Variants in TENM3 observed in about 807,000 individuals in gnomAD.
TENM3 encodes teneurin transmembrane protein 3.
Under a neutral mutation model 255.1 loss-of-function variants are expected in TENM3, and 63 were observed. The ratio of observed to expected loss-of-function variants is 0.25; its 90% CI spans 0.20 to 0.30. The LOEUF (loss-of-function observed/expected upper bound fraction) is 0.30. Among genes scored for constraint, TENM3 ranks in the 10% least tolerant of loss-of-function variants. The probability of loss-of-function intolerance (pLI) is 1.00; values close to 1 mark genes in which losing one functional copy is unlikely to be tolerated. For missense variants in TENM3, 2,929 were observed against 3,461.1 expected (o/e 0.85, Z 3.86); for synonymous variants, 1,306 against 1,322.3 (o/e 0.99, Z 0.27).
At chr4:182,070,573 C>T in the TENM3 span, among the ~76,000 whole-genome samples, 3 of 152,236 alleles carry the variant, frequency 2.0e-5, no homozygotes, top group Admixed American at 6.5e-5. Context: ...GCTGAAATTG[C>T]GCCGCTGCAC....
At chr4:182,386,982 C>T (rs541152930) in intron 3 of TENM3, among the ~76,000 whole-genome samples, 4 of 152,350 alleles carry the variant, frequency 2.6e-5, no homozygotes, top group African/African-American at 7.2e-5. Context: ...AGCCCCTGTG[C>T]GGGATCCACT....
chr4:181,598,660 T>C, the TENM3 span, among the ~76,000 whole-genome samples: 2 of 150,996 alleles, frequency 1.3e-5, no homozygotes, highest in African/African-American at 2.4e-5. Flanking sequence ...GTTTAACATA[T>C]CCTGATTTCA....
Position 182,349,474 on chromosome 4 carries a change from A to G in TENM3, c.511+2545A>G, listed in dbSNP as rs535723179. Among the ~76,000 whole-genome samples the G allele has an allele frequency of 8.5e-5, 13 of 152,278 alleles. No individual in the cohort carries two copies. In the South Asian group the frequency reaches 2.7e-3, roughly 32 times the overall value. ...GATATAGGGAAGCATAATTTTCTGA[A>G]GTATTTAGCAGACCTTATAATTTTG... is the stretch of plus-strand genomic sequence containing the variant. On this transcript the variant is annotated intron_variant, in intron 3 of 27. Coordinates refer to ENST00000511685, the MANE Select transcript of TENM3 (RefSeq NM_001080477.4).
At chr4:181,833,081 G>A in the TENM3 span, among the ~76,000 whole-genome samples, 1 of 152,132 alleles carries the variant, frequency 6.6e-6, no homozygotes, top group South Asian at 2.1e-4. Context: ...TAATCTAGAG[G>A]AGGTCTGAAA....
At chr4:182,251,559 T>C (rs531390655) in intron 1 of TENM3, among the ~76,000 whole-genome samples, 3 of 152,348 alleles carry the variant, frequency 2.0e-5, no homozygotes, top group African/African-American at 7.2e-5. Context: ...TGCTTTTTCA[T>C]ACTAGGTGGG....
chr4:181,683,598 C>T, the TENM3 span, among the ~76,000 whole-genome samples: 1 of 152,112 alleles, frequency 6.6e-6, no homozygotes, highest in African/African-American at 2.4e-5. Flanking sequence ...AACCTATGCA[C>T]TAGAAAATAA....
chr4:182,692,041 A>G (rs1329279545), intron 12 of TENM3, among the ~76,000 whole-genome samples: 1 of 152,250 alleles, frequency 6.6e-6, no homozygotes, highest in Admixed American at 6.5e-5. Flanking sequence ...CAAGTTAAAA[A>G]TAAATATAAT....
At chr4:182,513,521 G>A (rs1737629630) in intron 3 of TENM3, among the ~76,000 whole-genome samples, 1 of 151,746 alleles carries the variant, frequency 6.6e-6, no homozygotes, top group African/African-American at 2.4e-5. Context: ...AAACCTTTGT[G>A]TTTCATTTTG....
chr4:181,833,979 A>G, the TENM3 span, among the ~76,000 whole-genome samples: 1 of 152,182 alleles, frequency 6.6e-6, no homozygotes, highest in South Asian at 2.1e-4. Context: ...GGAGAATGTT[A>G]AAGTGTGGCT....
intron 1 of TENM3, among the ~76,000 whole-genome samples, chr4:182,161,154 C>T (rs200921262): frequency 4.1e-5 from 6 of 146,126 alleles, no homozygotes; most frequent in African/African-American, 1.3e-4. Context: ...CGGTGGCTCA[C>T]GCCTGTAATC....
chr4:181,718,811 C>T, the TENM3 span, among the ~76,000 whole-genome samples: 1 of 152,156 alleles, frequency 6.6e-6, no homozygotes, highest in South Asian at 2.1e-4. Flanking sequence ...TTTGTATAGT[C>T]AGCAGTAGGA....
chr4:181,984,566 G>A, the TENM3 span, among the ~76,000 whole-genome samples: 7 of 151,338 alleles, frequency 4.6e-5, no homozygotes, highest in East Asian at 1.2e-3. Context: ...GTTTCATTGT[G>A]TGTTTGAAAA....
chr4:182,260,438 CA>C (rs775865920), intron 1 of TENM3, among the ~76,000 whole-genome samples: 3 of 151,654 alleles, frequency 2.0e-5, no homozygotes, highest in Admixed American at 6.6e-5. Context: ...TGAAAAAGAA[CA>C]AAAAAAGTGT....
chr4:182,731,872 C>G (rs1357123364), intron 16 of TENM3, among the ~76,000 whole-genome samples: 3 of 151,584 alleles, frequency 2.0e-5, no homozygotes, highest in African/African-American at 7.3e-5. Flanking sequence ...AGCTCCACCT[C>G]CCGGGTTCAC....
the TENM3 span, among the ~76,000 whole-genome samples, chr4:182,035,222 A>G: frequency 6.6e-6 from 1 of 152,228 alleles, no homozygotes; most frequent in Non-Finnish European, 1.5e-5. Flanking sequence ...TTTGTCTTAC[A>G]TGTTGAGTCC....
the TENM3 span, among the ~76,000 whole-genome samples, chr4:181,508,306 T>C: frequency 0.018 from 2,719 of 152,224 alleles, 44 homozygotes; most frequent in Non-Finnish European, 0.027. Flanking sequence ...ACAGCAGGGG[T>C]CCTAACAAAT....
At chr4:182,566,915 A>G (rs1743845096) in intron 3 of TENM3, among the ~76,000 whole-genome samples, 1 of 152,218 alleles carries the variant, frequency 6.6e-6, no homozygotes, top group South Asian at 2.1e-4. Context: ...ATGTATAGTG[A>G]CATATATACA....
the TENM3 span, among the ~76,000 whole-genome samples, chr4:181,678,854 A>AC: frequency 1.3e-5 from 2 of 151,590 alleles, no homozygotes; most frequent in East Asian, 3.9e-4. Context: ...AAAAAAAAAA[A>AC]ACAGAGAAAA....
At chr4:182,288,412 T>C (rs573106596) in intron 1 of TENM3, among the ~76,000 whole-genome samples, 5 of 152,278 alleles carry the variant, frequency 3.3e-5, no homozygotes, top group African/African-American at 1.2e-4. Context: ...CTTCTGGAAT[T>C]ATACTCCATC....
Sources: gnomAD v4.1 joint callset for allele counts (sites outside exome capture counted in the v4.1 genomes callset) on GRCh38, gnomAD v4.1.1 for gene constraint, MANE v1.5 for transcripts, NCBI Gene and HGNC (gene_info 2026-07-23, HGNC 2026-07-21) for gene names.